PTPRN2: variants seen among roughly 807,000 people sequenced by gnomAD.
PTPRN2 encodes protein tyrosine phosphatase receptor type N2.
A neutral mutation model predicts 118.8 loss-of-function variants in PTPRN2; 74 were observed. The ratio of observed to expected loss-of-function variants is 0.62; its 90% CI spans 0.52 to 0.76. PTPRN2 has a LOEUF of 0.76. PTPRN2 is among the 30% of genes least tolerant of loss of function. PTPRN2 has a pLI of 0.00. For missense variants in PTPRN2, 1,481 were observed against 1,394.4 expected (o/e 1.06, Z -0.99); for synonymous variants, 641 against 608.0 (o/e 1.05, Z -0.80).
At position 158,487,836 on chromosome 7, in the gene PTPRN2, C is replaced by T. The variant is rs1426166758; in HGVS notation, c.163+1899G>A. 3.3e-5 allele frequency among the ~76,000 whole-genome samples: 5 copies of T among 151,902 alleles called. No homozygotes were observed. The East Asian group carries it at 7.7e-4, about 23-fold the overall frequency. On this transcript the variant is annotated intron_variant, in intron 2 of 22. Coordinates refer to ENST00000389418, the MANE Select transcript of PTPRN2 (RefSeq NM_002847.5). ...TTCTAAGACTGGGCACCACTGGCTT[C>T]GCTGTTTCCTAGACCTTCAGTGCAT...
chr7:158,071,399 C>CGTGGTGGTGGAGGTGCTCATG (rs1554528337), intron 11 of PTPRN2, among the ~76,000 whole-genome samples: 1 of 20,964 alleles, frequency 4.8e-5, no homozygotes, highest in Non-Finnish European at 9.0e-5. Context: ...TGGAGGTGCT[C>CGTGGTGGTGGAGGTGCTCATG]GTGGTGGAGT....
intron 1 of PTPRN2, among the ~76,000 whole-genome samples, chr7:158,543,113 C>T (rs759802125): frequency 3.3e-5 from 5 of 152,234 alleles, no homozygotes; most frequent in African/African-American, 4.8e-5. Flanking sequence ...AAGAAAAGGT[C>T]TTCTGCTTTA....
intron 19 of PTPRN2, among the ~76,000 whole-genome samples, chr7:157,575,162 C>G (rs1396949833): frequency 6.6e-6 from 1 of 152,200 alleles, no homozygotes; most frequent in African/African-American, 2.4e-5. Context: ...TGCAAACACA[C>G]TGGATGAACG....
chr7:158,481,033 A>T (rs1215081985), intron 2 of PTPRN2, among the ~76,000 whole-genome samples: 1 of 152,276 alleles, frequency 6.6e-6, no homozygotes, highest in Non-Finnish European at 1.5e-5. Context: ...ACAGCCTTAC[A>T]TTGAAGAAGA....
At chr7:158,421,654 A>G (rs1037849728) in intron 2 of PTPRN2, among the ~76,000 whole-genome samples, 5 of 152,226 alleles carry the variant, frequency 3.3e-5, no homozygotes, top group Non-Finnish European at 7.3e-5. Context: ...GAAACACAAA[A>G]ACAATCTTAT....
chr7:157,778,017 G>C (rs1803439577), intron 12 of PTPRN2, among the ~76,000 whole-genome samples: 1 of 148,444 alleles, frequency 6.7e-6, no homozygotes, highest in African/African-American at 2.5e-5. Flanking sequence ...AACCAAACGA[G>C]AGCAAAAACC....
chr7:158,152,831 C>G (rs1821329961), intron 6 of PTPRN2, among the ~76,000 whole-genome samples: 2 of 151,664 alleles, frequency 1.3e-5, no homozygotes, highest in Admixed American at 1.3e-4. Flanking sequence ...GGGACAAGAG[C>G]AGACCGACAG....
chr7:158,027,116 G>T (rs1807334458), intron 11 of PTPRN2, among the ~76,000 whole-genome samples: 1 of 152,162 alleles, frequency 6.6e-6, no homozygotes, highest in Non-Finnish European at 1.5e-5. Flanking sequence ...ACCCACCCCA[G>T]CCCCAGGCAG....
chr7:157,734,836 C>A (rs1800206923), intron 12 of PTPRN2, among the ~76,000 whole-genome samples: 1 of 152,220 alleles, frequency 6.6e-6, no homozygotes, highest in Admixed American at 6.5e-5. Context: ...GGCAGCCAGC[C>A]AGAGGCAAAC....
At chr7:158,149,600 C>T (rs920673696) in intron 6 of PTPRN2, among the ~76,000 whole-genome samples, 1 of 152,054 alleles carries the variant, frequency 6.6e-6, no homozygotes, top group Admixed American at 6.6e-5. Context: ...GTCAGGAGTT[C>T]GAGACCAGCC....
intron 2 of PTPRN2, among the ~76,000 whole-genome samples, chr7:158,362,141 C>G (rs1809032117): frequency 6.6e-6 from 1 of 152,236 alleles, no homozygotes; most frequent in African/African-American, 2.4e-5. Flanking sequence ...GAAGCCACAG[C>G]TGCACCAGCA....
chr7:158,485,794 C>T (rs1337853130), intron 2 of PTPRN2, among the ~76,000 whole-genome samples: 1 of 152,102 alleles, frequency 6.6e-6, no homozygotes. Flanking sequence ...AGTCACTACC[C>T]AGAGAGAGCC....
At chr7:158,259,960 G>C (rs976671254) in intron 3 of PTPRN2, among the ~76,000 whole-genome samples, 3 of 148,124 alleles carry the variant, frequency 2.0e-5, no homozygotes, top group Non-Finnish European at 3.0e-5. Flanking sequence ...ATATGTATTT[G>C]TCCACGCGTC....
intron 3 of PTPRN2, among the ~76,000 whole-genome samples, chr7:158,275,981 T>C (rs1798934477): frequency 6.6e-6 from 1 of 152,114 alleles, no homozygotes; most frequent in South Asian, 2.1e-4. Context: ...GCTGTCAGCA[T>C]CCCCGCCGCC....
chr7:157,661,599 G>C (rs1199626492), intron 13 of PTPRN2, among the ~76,000 whole-genome samples: 1 of 151,788 alleles, frequency 6.6e-6, no homozygotes, highest in African/African-American at 2.4e-5. Flanking sequence ...GGAGGAATGG[G>C]ATGATGGGGA....
chr7:158,259,876 C>T lies in PTPRN2; in HGVS notation c.278-54603G>A, dbSNP rs13241893. Among the ~76,000 whole-genome samples, 454 of 120,564 alleles carry T rather than the reference C, an allele frequency of 3.8e-3. 6 individuals carry two copies. Among genetic ancestry groups the T allele is most frequent in the Middle Eastern group, 0.026 (6 of 228 alleles). 79.1% of individuals were successfully genotyped at this position (120,564 alleles called of 152,430 possible). On this transcript the variant is annotated intron_variant, in intron 3 of 22. Transcript: ENST00000389418. The stretch of plus-strand genomic sequence containing the variant: ...TGTGTCCCTGGTGTACATGTATGTG[C>T]GTTTGTGTGTCCATGTGTCCATGAG...
At chr7:157,714,187 T>C (rs947818938) in intron 12 of PTPRN2, among the ~76,000 whole-genome samples, 1 of 152,208 alleles carries the variant, frequency 6.6e-6, no homozygotes, top group Non-Finnish European at 1.5e-5. Context: ...CTATGAAAAA[T>C]TAAAACACAT....
chr7:157,798,086 C>G (rs1804988237), intron 12 of PTPRN2, among the ~76,000 whole-genome samples: 1 of 152,090 alleles, frequency 6.6e-6, no homozygotes, highest in Non-Finnish European at 1.5e-5. Context: ...TGGTGAAATC[C>G]CGTCTCTACT....
chr7:158,401,684 T>C (rs4909210), intron 2 of PTPRN2, among the ~76,000 whole-genome samples: 77,823 of 152,172 alleles, frequency 0.51, 20,482 homozygotes, highest in East Asian at 0.8. Context: ...TAGTAAAATA[T>C]CTTGATGATC....
Sources: gnomAD v4.1 joint callset for allele counts (sites outside exome capture counted in the v4.1 genomes callset) on GRCh38, gnomAD v4.1.1 for gene constraint, MANE v1.5 for transcripts, NCBI Gene and HGNC (gene_info 2026-07-23, HGNC 2026-07-21) for gene names.